SHC3: variants seen among roughly 807,000 people sequenced by gnomAD.
The protein encoded by SHC3 is SHC adaptor protein 3, also known as SHC-transforming protein 3.
Under a neutral mutation model 60.4 loss-of-function variants are expected in SHC3, and 15 were observed. That is an observed-to-expected ratio of 0.25 (90% CI 0.17 to 0.38). SHC3 has a LOEUF of 0.38. Ranked by LOEUF, SHC3 falls within the 10% of genes least tolerant of loss-of-function variation. SHC3 has a pLI of 1.00. For synonymous variants in SHC3, 294 were observed against 325.9 expected, an observed-to-expected ratio of 0.90 and a Z score of 1.05; for missense variants, 677 against 786.1, an observed-to-expected ratio of 0.86 and a Z score of 1.66.
chr9:89,170,257 G>A (rs1826850282), intron 1 of SHC3, among the ~76,000 whole-genome samples: 1 of 152,212 alleles, frequency 6.6e-6, no homozygotes, highest in Non-Finnish European at 1.5e-5. Flanking sequence ...CTGTATTTTT[G>A]CCAGCCTGAA....
At chr9:89,155,842 T>G (rs932037004) in intron 1 of SHC3, among the ~76,000 whole-genome samples, 2 of 152,214 alleles carry the variant, frequency 1.3e-5, no homozygotes, top group African/African-American at 4.8e-5. Context: ...AAGAAATTCA[T>G]GCCACCCCAT....
intron 1 of SHC3, among the ~76,000 whole-genome samples, chr9:89,145,466 T>C (rs889519497): frequency 2.0e-5 from 3 of 152,176 alleles, no homozygotes; most frequent in African/African-American, 7.2e-5. Context: ...CAATGGGAAA[T>C]GGACCTTGAG....
intron 1 of SHC3, among the ~76,000 whole-genome samples, chr9:89,149,137 T>G (rs1240625506): frequency 1.3e-5 from 2 of 152,276 alleles, no homozygotes; most frequent in East Asian, 3.9e-4. Context: ...AAGTTAGACA[T>G]GCTGCATTCT....
At chr9:89,023,994 G>A (rs1366232141) in intron 11 of SHC3, among the ~76,000 whole-genome samples, 1 of 152,182 alleles carries the variant, frequency 6.6e-6, no homozygotes. Context: ...TGAGGATCTC[G>A]TTTCTAAGCA....
At chr9:89,031,571 T>TCA (rs1824493405) in intron 11 of SHC3, among the ~76,000 whole-genome samples, 1 of 152,242 alleles carries the variant, frequency 6.6e-6, no homozygotes, top group South Asian at 2.1e-4. Flanking sequence ...TGTCAATACT[T>TCA]CATTCTTTTT....
chr9:89,035,694 C>T (rs549035404), intron 11 of SHC3, among the ~76,000 whole-genome samples: 20 of 151,932 alleles, frequency 1.3e-4, no homozygotes, highest in African/African-American at 4.1e-4. Context: ...TGGTGGCTCA[C>T]ACCTGTAATC....
Position 89,012,524 on chromosome 9 carries a change from G to C in SHC3, c.*923C>G, listed in dbSNP as rs945987020. On this transcript the variant is annotated 3_prime_UTR_variant, in exon 12 of 12. Transcript: ENST00000375835. ...AGGCTTCTCCCCTATTGTATAAGGC[G>C]GGCGGGGGACTTTACTAGCAATTAC... 5 of 152,132 alleles carry C rather than the reference G, an allele frequency of 3.3e-5. No homozygotes were observed. In the East Asian group the frequency reaches 9.7e-4, roughly 29 times the overall value. 9.4% of individuals were successfully genotyped at this position (152,132 alleles called of 1,614,324 possible).
chr9:89,132,014 C>T (rs372068323), intron 1 of SHC3, among the ~76,000 whole-genome samples: 1 of 152,118 alleles, frequency 6.6e-6, no homozygotes, highest in East Asian at 1.9e-4. Flanking sequence ...AAAACCCCAT[C>T]GTCTCAGCCC....
In SHC3 at chr9:89,013,164, A is replaced by T; in HGVS notation, c.*283T>A. 2 of 225,454 alleles carry T rather than the reference A, an allele frequency of 8.9e-6. No individual in the cohort carries two copies. The highest frequency in any genetic ancestry group is 1.7e-5 in the Non-Finnish European group (2 of 117,468). The allele number at this position is 225,454 out of a possible 1,614,324, so 14.0% of individuals were successfully genotyped here. A position where few individuals can be genotyped will look rare whatever the true frequency, so the allele number is the denominator to read the frequency against. ...AACTTATTTTTTTTTTTCATTAAAA[A>T]CATACAGCACAGAACATTAGTCTTA... On this transcript the variant is annotated 3_prime_UTR_variant, in exon 12 of 12. Coordinates refer to ENST00000375835, the MANE Select transcript of SHC3 (RefSeq NM_016848.6).
chr9:89,166,965 G>C (rs541987910), intron 1 of SHC3, among the ~76,000 whole-genome samples: 1 of 152,308 alleles, frequency 6.6e-6, no homozygotes, highest in Admixed American at 6.5e-5. Flanking sequence ...TCTACCAGCT[G>C]AGCTACTGCA....
chr9:89,115,282 T>C (rs1826004860), intron 1 of SHC3, among the ~76,000 whole-genome samples: 1 of 152,154 alleles, frequency 6.6e-6, no homozygotes, highest in Admixed American at 6.5e-5. Flanking sequence ...TTTACAACCA[T>C]GACCAATATC....
chr9:89,074,670 C>A (rs1825325662), intron 4 of SHC3, among the ~76,000 whole-genome samples: 1 of 115,078 alleles, frequency 8.7e-6, no homozygotes. Flanking sequence ...CAAGATGCTC[C>A]AAAACAATGA....
At chr9:89,071,872 A>T (rs1439724714) in intron 4 of SHC3, among the ~76,000 whole-genome samples, 4 of 152,208 alleles carry the variant, frequency 2.6e-5, no homozygotes, top group Admixed American at 6.5e-5. Context: ...GCATCTGCCA[A>T]CGAAGGCTCT....
intron 2 of SHC3, chr9:89,109,118 T>C: frequency 1.0e-6 from 1 of 985,542 alleles, no homozygotes; most frequent in Non-Finnish European, 1.2e-6. Context: ...GTCCTGGGGA[T>C]AGGAAATCCT....
intron 4 of SHC3, among the ~76,000 whole-genome samples, chr9:89,074,083 G>A (rs1206096237): frequency 6.6e-6 from 1 of 152,194 alleles, no homozygotes; most frequent in East Asian, 1.9e-4. Context: ...CCTGGGTTTT[G>A]CTTCCCATTT....
chr9:89,057,061 G>A (rs1194885954), intron 6 of SHC3, among the ~76,000 whole-genome samples: 2 of 152,338 alleles, frequency 1.3e-5, no homozygotes, highest in Admixed American at 6.5e-5. Flanking sequence ...CCACATTCCA[G>A]AGCAGCTGGC....
chr9:89,111,717 C>T (rs1825949629), intron 2 of SHC3, among the ~76,000 whole-genome samples: 1 of 152,178 alleles, frequency 6.6e-6, no homozygotes, highest in Non-Finnish European at 1.5e-5. Context: ...CAGTTGCTTT[C>T]TAAAGCTCAA....
chr9:89,054,712 G>C (rs761248739), intron 6 of SHC3, among the ~76,000 whole-genome samples: 1 of 152,196 alleles, frequency 6.6e-6, no homozygotes, highest in Admixed American at 6.5e-5. Flanking sequence ...GCACAGAATC[G>C]AGATTCCAAA....
At chr9:89,051,996 C>T (rs748240800) in intron 7 of SHC3, 41 bp downstream of exon 7, 3 of 1,607,386 alleles carry the variant, frequency 1.9e-6, no homozygotes, top group African/African-American at 1.3e-5. Context: ...GGTCATAAAA[C>T]CCACATAGGC....
Sources: allele counts gnomAD v4.1 joint callset (sites outside exome capture counted in the v4.1 genomes callset), GRCh38; gene constraint gnomAD v4.1.1; transcripts MANE v1.5; gene names NCBI Gene and HGNC (gene_info 2026-07-23, HGNC 2026-07-21).